Variants in CNIH3 observed in about 807,000 individuals in gnomAD.
The protein encoded by CNIH3 is protein cornichon homolog 3.
A neutral mutation model predicts 24.1 loss-of-function variants in CNIH3; 14 were observed. That is an observed-to-expected ratio of 0.58 (90% confidence interval 0.38 to 0.91). CNIH3 has a LOEUF of 0.91. Ranked by LOEUF, CNIH3 falls within the 40% of genes least tolerant of loss-of-function variation. CNIH3 has a pLI of 0.00. For missense variants in CNIH3, 178 were observed against 196.8 expected (o/e 0.90, Z 0.57); for synonymous variants, 68 against 73.8 (o/e 0.92, Z 0.40).
At chr1:224,629,251 C>T (rs1472960069) in intron 1 of CNIH3, among the ~76,000 whole-genome samples, 1 of 151,960 alleles carries the variant, frequency 6.6e-6, no homozygotes, top group Non-Finnish European at 1.5e-5. Context: ...CCATGATCTG[C>T]CCACCTCAGC....
chr1:224,598,289 G>A (rs1012464374), intron 3 of CNIH3, among the ~76,000 whole-genome samples: 5 of 152,300 alleles, frequency 3.3e-5, no homozygotes. Context: ...CCTGAAGATG[G>A]GAGACAATTG....
At chr1:224,449,581 G>A (rs533071046) in intron 1 of CNIH3, among the ~76,000 whole-genome samples, 2 of 152,096 alleles carry the variant, frequency 1.3e-5, no homozygotes, top group African/African-American at 4.8e-5. Flanking sequence ...CTGCTGGCTT[G>A]AATTCCCAGG....
At chr1:224,680,028 A>G (rs568307689) in intron 1 of CNIH3, among the ~76,000 whole-genome samples, 3 of 152,220 alleles carry the variant, frequency 2.0e-5, no homozygotes, top group Admixed American at 2.0e-4. Flanking sequence ...AGGCTGGTCT[A>G]GAATTCCTGA....
intron 1 of CNIH3, among the ~76,000 whole-genome samples, chr1:224,464,066 G>C (rs1056336170): frequency 2.0e-4 from 31 of 151,964 alleles, no homozygotes; most frequent in African/African-American, 6.3e-4. Context: ...TGGGATTACA[G>C]GTGTGAGCCA....
intron 4 of CNIH3, among the ~76,000 whole-genome samples, chr1:224,575,880 A>G (rs1414831478): frequency 1.3e-5 from 2 of 152,202 alleles, no homozygotes; most frequent in Non-Finnish European, 2.9e-5. Context: ...AGTAGTGTAT[A>G]TATCTTCACT....
intron 3 of CNIH3, among the ~76,000 whole-genome samples, chr1:224,715,021 T>C (rs1053179851): frequency 6.6e-6 from 1 of 152,192 alleles, no homozygotes; most frequent in African/African-American, 2.4e-5. Context: ...AATAATGCCT[T>C]CTTGAAAACA....
In CNIH3 at chr1:224,701,489, C is replaced by T. The variant is rs188501590; in HGVS notation, c.198+16646C>T. Reference sequence around the variant, plus strand: ...TTTATCAGGACACTAATCCCATTCACGAGGGCTCCACCCTCATGTTGTCAT... The same window carrying T: ...TTTATCAGGACACTAATCCCATTCATGAGGGCTCCACCCTCATGTTGTCAT... On this transcript the variant is annotated intron_variant, in intron 3 of 5. Coordinates refer to ENST00000272133, the MANE Select transcript of CNIH3 (RefSeq NM_152495.2). Among the ~76,000 whole-genome samples the T allele has an allele frequency of 3.0e-3, 457 of 152,216 alleles. 4 individuals carry two copies. Among genetic ancestry groups the T allele is most frequent in the Middle Eastern group, 0.027 (8 of 292 alleles).
At chr1:224,556,799 C>A (rs560237810) in intron 3 of CNIH3, among the ~76,000 whole-genome samples, 9 of 152,306 alleles carry the variant, frequency 5.9e-5, no homozygotes, top group Non-Finnish European at 1.0e-4. Context: ...ACGCCACGGA[C>A]CGGTACCAGT....
intron 3 of CNIH3, among the ~76,000 whole-genome samples, chr1:224,707,051 C>T (rs779121199): frequency 6.8e-6 from 1 of 147,416 alleles, no homozygotes. Flanking sequence ...GCAACCTCTA[C>T]CTCGTGAGTT....
chr1:224,540,530 A>G (rs1572441058), downstream of CNIH3, among the ~76,000 whole-genome samples: 1 of 152,330 alleles, frequency 6.6e-6, no homozygotes, highest in African/African-American at 2.4e-5. Flanking sequence ...TTAAAGTGAG[A>G]TCGTGGTTCT....
At chr1:224,621,335 A>T (rs1225864045) in intron 1 of CNIH3, among the ~76,000 whole-genome samples, 1 of 152,206 alleles carries the variant, frequency 6.6e-6, no homozygotes, top group African/African-American at 2.4e-5. Flanking sequence ...CAGCCTCTGG[A>T]AGTCTAGTAA....
intron 1 of CNIH3, among the ~76,000 whole-genome samples, chr1:224,464,067 G>T (rs1475959854): frequency 6.6e-6 from 1 of 152,012 alleles, no homozygotes; most frequent in Non-Finnish European, 1.5e-5. Flanking sequence ...GGGATTACAG[G>T]TGTGAGCCAC....
chr1:224,572,061 C>T (rs540862911), intron 4 of CNIH3, among the ~76,000 whole-genome samples: 2 of 152,068 alleles, frequency 1.3e-5, no homozygotes, highest in Admixed American at 6.5e-5. Context: ...GGGAGGTGGT[C>T]GCCAGGAGGT....
At chr1:224,562,545 T>C (rs1680414049) in intron 3 of CNIH3, among the ~76,000 whole-genome samples, 1 of 152,260 alleles carries the variant, frequency 6.6e-6, no homozygotes, top group African/African-American at 2.4e-5. Context: ...GTTTGGATAT[T>C]TGTCCCCCCA....
intron 3 of CNIH3, among the ~76,000 whole-genome samples, chr1:224,553,601 G>A (rs746078771): frequency 6.6e-6 from 1 of 152,038 alleles, no homozygotes; most frequent in Non-Finnish European, 1.5e-5. Context: ...TTCCTGTTGT[G>A]CTCCTGCTAC....
rs1200347708 is a variant in CNIH3, at chr1:224,604,700, G to A, written n.402+38436G>A. ...AAACTGATGTAGGAATTTTCTTCTC[G>A]GTCACTTTGCAAGCCAGGGACCCTT... On this transcript the variant is annotated intron_variant and non_coding_transcript_variant, in intron 3 of 7. Coordinates refer to the CNIH3 transcript ENST00000478120. This position sits in a 1 kb window ranked among gnomAD's most constrained non-coding sequence, Gnocchi z 4.4. 1.3e-5 allele frequency among the ~76,000 whole-genome samples: 2 copies of A among 152,172 alleles called. No individual in the cohort carries two copies. Among genetic ancestry groups the A allele is most frequent in the Non-Finnish European group, 2.9e-5 (2 of 68,028 alleles).
At chr1:224,672,498 A>G (rs1459105425) in intron 1 of CNIH3, among the ~76,000 whole-genome samples, 1 of 152,182 alleles carries the variant, frequency 6.6e-6, no homozygotes, top group Admixed American at 6.5e-5. Context: ...CAGATGGGCC[A>G]TGTTCCCTCC....
At chr1:224,668,103 G>A (rs1476615731) in intron 1 of CNIH3, among the ~76,000 whole-genome samples, 1 of 152,156 alleles carries the variant, frequency 6.6e-6, no homozygotes, top group East Asian at 1.9e-4. Context: ...GAGCAAAAGG[G>A]CTAATGGCAT....
chr1:224,586,733 T>C (rs185074791), intron 5 of CNIH3, among the ~76,000 whole-genome samples: 1 of 152,184 alleles, frequency 6.6e-6, no homozygotes, highest in African/African-American at 2.4e-5. Context: ...AATCTTGAGA[T>C]AAAATCATCC....
Sources: gnomAD v4.1 joint callset for allele counts (sites outside exome capture counted in the v4.1 genomes callset) on GRCh38, gnomAD v4.1.1 for gene constraint, Gnocchi (gnomAD v3.1) non-coding constraint, MANE v1.5 for transcripts, NCBI Gene and HGNC (gene_info 2026-07-23, HGNC 2026-07-21) for gene names.